Variants in DNAH17 observed in about 807,000 individuals in gnomAD.
DNAH17 encodes axonemal beta dynein heavy chain 17.
A neutral mutation model predicts 485.6 loss-of-function variants in DNAH17; 376 were observed. The observed-to-expected ratio is 0.77, with a 90% confidence interval of 0.71 to 0.84. The LOEUF is 0.84. Among genes scored for constraint, DNAH17 ranks in the 40% least tolerant of loss-of-function variants. The pLI, the probability that DNAH17 is intolerant of heterozygous loss-of-function variation, is 0.00. For missense variants in DNAH17, 6,370 were observed against 5,839.3 expected (o/e 1.09, Z -2.96); for synonymous variants, 3,031 against 2,405.9 (o/e 1.26, Z -7.60).
rs933801591 is a variant in DNAH17, at chr17:78,475,998, A to C, written c.8155-165T>G. 7 of 702,848 alleles carry C rather than the reference A, an allele frequency of 1.0e-5. No individual in the cohort carries two copies. In the Admixed American group the frequency reaches 1.8e-4, roughly 18 times the overall value. 43.5% of individuals were successfully genotyped at this position (702,848 alleles called of 1,614,324 possible). A position where few individuals can be genotyped will look rare whatever the true frequency, so the allele number is the denominator to read the frequency against. On this transcript the variant is annotated intron_variant, in intron 52 of 80. Coordinates refer to ENST00000389840, the MANE Select transcript of DNAH17 (RefSeq NM_173628.4). ...CCTGCTGCCGTGGGCCCAGCAAACC[A>C]CTGGGGCAAAATTTCCTAGAGTGGG...
intron 54 of DNAH17, 71 bp from the exon 55 acceptor site, chr17:78,468,954 A>C: frequency 6.5e-7 from 1 of 1,533,832 alleles, no homozygotes; most frequent in Non-Finnish European, 8.7e-7. Flanking sequence ...CTCCACAACC[A>C]ACCAGAGCAC....
chr17:78,458,759 C>A, intron 61 of DNAH17, 79 bp from the exon 62 acceptor site: 1 of 1,320,856 alleles, frequency 7.6e-7, no homozygotes, highest in Non-Finnish European at 1.1e-6. Flanking sequence ...AGGGCTGGGC[C>A]CTGTGAGCGC....
intron 14 of DNAH17, among the ~76,000 whole-genome samples, 148 bp downstream of exon 14, chr17:78,557,956 CTCAG>C (rs1010818250): frequency 5.3e-5 from 8 of 152,110 alleles, no homozygotes; most frequent in African/African-American, 1.9e-4. Flanking sequence ...ATAGCAGGTA[CTCAG>C]TAAGTATGCA....
At position 78,537,339 on chromosome 17, in the gene DNAH17, C is replaced by CT; in HGVS notation, c.2818dup (p.Arg940LysfsTer20). ...GTCCTTGGCCAGCCGAGGGATGAGC[C>CT]TGGCTACGTTGTAGATGTCGTTGAC... is the stretch of plus-strand genomic sequence containing the variant. On this transcript the variant is annotated frameshift_variant, in exon 19 of 81. Coordinates refer to ENST00000389840, the MANE Select transcript of DNAH17 (RefSeq NM_173628.4). LOFTEE classifies it high-confidence loss of function. 6.3e-7 allele frequency: 1 copy of CT among 1,599,214 alleles called. No individual in the cohort carries two copies. Among genetic ancestry groups the CT allele is most frequent in the South Asian group, 1.1e-5 (1 of 88,552 alleles).
chr17:78,492,567 G>A lies in DNAH17; in HGVS notation c.6541+66C>T, dbSNP rs2089907914. On this transcript the variant is annotated intron_variant, in intron 42 of 80. Transcript: ENST00000389840. The stretch of plus-strand genomic sequence containing the variant: ...GCTGGCCTTCCACGTGGGAACGGCT[G>A]AGCACACGCTCACTGCACTGGACCA... 5.7e-6 allele frequency: 9 copies of A among 1,588,332 alleles called. No homozygotes were observed. In the East Asian group the frequency reaches 1.8e-4, roughly 32 times the overall value.
chr17:78,493,891 G>T, intron 41 of DNAH17, 145 bp downstream of exon 41: 1 of 1,198,918 alleles, frequency 8.3e-7, no homozygotes, highest in Non-Finnish European at 1.1e-6. Flanking sequence ...CTTCCTCCCT[G>T]GCCCATGACT....
chr17:78,451,660 C>A lies in DNAH17; in HGVS notation c.10543G>T (p.Gly3515Cys). 1 of 1,573,690 alleles carries A rather than the reference C, an allele frequency of 6.4e-7. No homozygotes were observed. Among genetic ancestry groups the A allele is most frequent in the Non-Finnish European group, 8.6e-7 (1 of 1,159,738 alleles). The change falls in exon 66 of 81, where the codon GGT becomes TGT. Residue 3515 changes from glycine (G) to cysteine (C), a missense_variant. Gly to Cys is a radical substitution (Grantham distance 159). Coordinates refer to ENST00000389840, the MANE Select transcript of DNAH17 (RefSeq NM_173628.4). ...TIKKGKYIKI[G>C]DKEVEYHPKF... is the part of the protein sequence containing the mutation. ...GGGTGGTACTCCACCTCCTTGTCACCGATCTTAATGTACCTGGCGGTTGGT... is the reference window on the plus strand; with the variant it reads ...GGGTGGTACTCCACCTCCTTGTCACAGATCTTAATGTACCTGGCGGTTGGT...
chr17:78,425,122 G>C, intron 80 of DNAH17: 1 of 484,924 alleles, frequency 2.1e-6, no homozygotes, highest in East Asian at 3.4e-5. Context: ...TGACTGGGGT[G>C]TTTTTGGTCT....
At chr17:78,508,410 C>T (rs1484650389) in intron 27 of DNAH17, among the ~76,000 whole-genome samples, 1 of 152,256 alleles carries the variant, frequency 6.6e-6, no homozygotes, top group African/African-American at 2.4e-5. Flanking sequence ...TTTTCTACAA[C>T]TTACGCTTTC....
chr17:78,536,266 C>T lies in DNAH17; in HGVS notation c.2859+1033G>A, dbSNP rs146532520. Reference sequence around the variant, plus strand: ...CATCCTGGCCAACATGGTGAAACCCCGTCTCTACTAAAAATATATAAAAAA... The same window carrying T: ...CATCCTGGCCAACATGGTGAAACCCTGTCTCTACTAAAAATATATAAAAAA... On this transcript the variant is annotated intron_variant, in intron 19 of 80. Transcript: ENST00000389840. 3.1e-3 allele frequency among the ~76,000 whole-genome samples: 469 copies of T among 151,614 alleles called. 3 individuals carry two copies. Among genetic ancestry groups the T allele is most frequent in the African/African-American group, 0.011 (442 of 41,228 alleles).
intron 16 of DNAH17, among the ~76,000 whole-genome samples, chr17:78,548,333 T>A (rs1363216265): frequency 6.7e-6 from 1 of 148,574 alleles, no homozygotes; most frequent in African/African-American, 2.5e-5. Context: ...GCCTCCCAAG[T>A]AGCTGGAACT....
At chr17:78,535,655 TGA>T (rs751394289) in intron 19 of DNAH17, among the ~76,000 whole-genome samples, 41 of 152,330 alleles carry the variant, frequency 2.7e-4, no homozygotes, top group Non-Finnish European at 4.7e-4. Flanking sequence ...CAGAAATGCA[TGA>T]GAGGAAACGC....
intron 13 of DNAH17, 54 bp downstream of exon 13, chr17:78,560,686 C>A (rs893347967): frequency 1.3e-6 from 2 of 1,488,224 alleles, no homozygotes; most frequent in African/African-American, 1.4e-5. Context: ...CCTTGGCAGG[C>A]CCTCCCCCCG....
chr17:78,569,866 G>A (rs749757316), intron 7 of DNAH17, among the ~76,000 whole-genome samples: 5 of 152,204 alleles, frequency 3.3e-5, no homozygotes, highest in Non-Finnish European at 5.9e-5. Context: ...CCTTCAGCTC[G>A]AACGCCATGG....
chr17:78,445,687 G>A lies in DNAH17; in HGVS notation c.11212-7C>T, dbSNP rs369238669. Reference sequence around the variant, plus strand: ...CCTTCTTCATGGACAGGACCTGGGGGAACATCGAGGTGTACACACTTAACG... The same window carrying A: ...CCTTCTTCATGGACAGGACCTGGGGAAACATCGAGGTGTACACACTTAACG... On this transcript the variant is annotated splice_polypyrimidine_tract_variant and splice_region_variant and intron_variant, in intron 69 of 80. Transcript: ENST00000389840. The A allele has an allele frequency of 3.0e-4, 478 of 1,589,714 alleles. No homozygotes were observed. The African/African-American group carries it at 5.1e-3, about 17-fold the overall frequency.
chr17:78,432,380 C>T (rs1235857974), intron 75 of DNAH17, among the ~76,000 whole-genome samples: 2 of 19,446 alleles, frequency 1.0e-4, no homozygotes, highest in Non-Finnish European at 2.3e-4. Flanking sequence ...CACCCTGCCC[C>T]ATCGACCGGC....
At chr17:78,548,720 C>T (rs1336582713) in intron 16 of DNAH17, among the ~76,000 whole-genome samples, 1 of 152,194 alleles carries the variant, frequency 6.6e-6, no homozygotes, top group Admixed American at 6.5e-5. Context: ...ATTGTTGATT[C>T]CAGGCCTGAT....
rs746951799 is a variant in DNAH17, at chr17:78,525,005, TCAC to T, written c.3864+1_3864+3del. ...CCCACCCACGCGGCGTGCCCTGCAC[TCAC>T]CACAACAACCATGTCCCAGAGCTCC... On this transcript the variant is annotated splice_donor_variant and splice_donor_region_variant and intron_variant, in intron 25 of 80. Transcript: ENST00000389840. LOFTEE classifies it high-confidence loss of function. 6.2e-6 allele frequency: 10 copies of T among 1,610,964 alleles called. No homozygotes were observed. Among genetic ancestry groups the T allele is most frequent in the Non-Finnish European group, 8.5e-6 (10 of 1,177,862 alleles).
At chr17:78,436,915 C>A (rs907961815) in intron 74 of DNAH17, among the ~76,000 whole-genome samples, 2 of 152,128 alleles carry the variant, frequency 1.3e-5, no homozygotes, top group African/African-American at 4.8e-5. Context: ...AAGGCTGCAT[C>A]TGGGGGAAGC....
Sources: gnomAD v4.1 joint callset for allele counts (sites outside exome capture counted in the v4.1 genomes callset) on GRCh38, gnomAD v4.1.1 for gene constraint, MANE v1.5 for transcripts, NCBI Gene and HGNC (gene_info 2026-07-23, HGNC 2026-07-21) for gene names.